Variants in MALT1 observed in about 807,000 individuals in gnomAD.
MALT1 encodes MALT1 paracaspase, also known as mucosa-associated lymphoid tissue lymphoma translocation protein 1.
MALT1 carries 36 observed loss-of-function variants against 85.5 expected under a neutral mutation model. That is an observed-to-expected ratio of 0.42 (90% CI 0.32 to 0.56). The LOEUF is 0.56. MALT1 is among the 20% of genes least tolerant of loss of function. The probability of loss-of-function intolerance (pLI) is 0.10; values close to 1 mark genes in which losing one functional copy is unlikely to be tolerated. For missense variants in MALT1, 716 were observed against 981.6 expected (o/e 0.73, Z 3.62); for synonymous variants, 359 against 361.3 (o/e 0.99, Z 0.07).
intron 1 of MALT1, among the ~76,000 whole-genome samples, chr18:58,678,968 A>G (rs2144304718): frequency 6.6e-6 from 1 of 152,334 alleles, no homozygotes; most frequent in South Asian, 2.1e-4. Context: ...TGTGAATTCT[A>G]CAGTATATCA....
intron 1 of MALT1, chr18:58,672,960 G>A (rs966507159): frequency 1.3e-5 from 2 of 152,202 alleles, no homozygotes; most frequent in Non-Finnish European, 2.9e-5. Context: ...AACTGCACTA[G>A]GGGTTCCCAG....
chr18:58,677,067 CT>C (rs1160697501), intron 1 of MALT1, among the ~76,000 whole-genome samples: 2 of 152,062 alleles, frequency 1.3e-5, no homozygotes, highest in Non-Finnish European at 2.9e-5. Flanking sequence ...TAAATTAGGA[CT>C]TTCAGAAACT....
chr18:58,735,176 G>C, intron 12 of MALT1, 26 bp from the exon 13 acceptor site: 3 of 1,592,338 alleles, frequency 1.9e-6, no homozygotes, highest in Non-Finnish European at 2.6e-6. Flanking sequence ...TCTGTGCCTG[G>C]CTTAACTTCT....
intron 15 of MALT1, 125 bp downstream of exon 15, chr18:58,744,620 T>G (rs2055343557): frequency 2.7e-6 from 1 of 371,120 alleles, no homozygotes; most frequent in African/African-American, 2.1e-5. Context: ...GTGTATATAT[T>G]TATAGTTTAG....
intron 1 of MALT1, among the ~76,000 whole-genome samples, chr18:58,680,410 A>G (rs942613549): frequency 3.3e-5 from 5 of 152,188 alleles, no homozygotes; most frequent in African/African-American, 1.2e-4. Context: ...CATTTGATAT[A>G]CATGCCATAA....
intron 4 of MALT1, among the ~76,000 whole-genome samples, chr18:58,708,690 A>G (rs926348861): frequency 2.0e-5 from 3 of 152,226 alleles, no homozygotes; most frequent in African/African-American, 4.8e-5. Flanking sequence ...AGCAATGCAT[A>G]TCTTTCTAGA....
rs1016598412 is a variant in MALT1 at position 58,749,659 on chromosome 18, C to G, written c.*1817C>G. On this transcript the variant is annotated 3_prime_UTR_variant, in exon 17 of 17. Transcript: ENST00000649217. ...TAGCAAGTTGGTAAATTCACAAATA[C>G]ATAACCTTGAATAATGAGGATCAAC... The G allele has an allele frequency of 9.1e-6, 2 of 220,154 alleles. No homozygotes were observed. The highest frequency in any genetic ancestry group is 1.8e-5 in the Non-Finnish European group (2 of 109,898). 13.6% of individuals were successfully genotyped at this position (220,154 alleles called of 1,614,324 possible).
At chr18:58,744,040 A>T (rs2055334964) in intron 14 of MALT1, among the ~76,000 whole-genome samples, 1 of 152,104 alleles carries the variant, frequency 6.6e-6, no homozygotes, top group Non-Finnish European at 1.5e-5. Flanking sequence ...GTGCTTTATT[A>T]AAAATTCTGG....
intron 9 of MALT1, among the ~76,000 whole-genome samples, chr18:58,720,266 G>A (rs2054965168): frequency 6.6e-6 from 1 of 152,116 alleles, no homozygotes; most frequent in African/African-American, 2.4e-5. Context: ...CCGTCTTGAA[G>A]TTTTCTTTAT....
intron 4 of MALT1, among the ~76,000 whole-genome samples, chr18:58,701,635 G>A (rs1228271250): frequency 6.6e-6 from 1 of 152,168 alleles, no homozygotes; most frequent in East Asian, 1.9e-4. Flanking sequence ...CGATGTTACA[G>A]CTATTTTAAA....
At position 58,745,650 on chromosome 18, in the gene MALT1, A is replaced by AT. The variant is rs199915155; in HGVS notation, c.1912-5dup. On this transcript the variant is annotated splice_polypyrimidine_tract_variant and intron_variant, in intron 15 of 16. Coordinates refer to ENST00000649217, the MANE Select transcript of MALT1 (RefSeq NM_006785.4). ...TTGATTTCATTATTAACAGTCCCTA[A>AT]TTTTTTTTTTTACAGGATCTAGATA... 44,894 of 1,080,022 alleles carry AT rather than the reference A, an allele frequency of 0.042. 261 individuals carry two copies. The highest frequency in any genetic ancestry group is 0.23 in the East Asian group (7,438 of 32,876). The allele number at this position is 1,080,022 out of a possible 1,614,324, so 66.9% of individuals were successfully genotyped here. A position where few individuals can be genotyped will look rare whatever the true frequency, so the allele number is the denominator to read the frequency against.
Position 58,704,007 on chromosome 18 carries a change from T to G in MALT1, c.649+3416T>G, listed in dbSNP as rs141748520. Among the ~76,000 whole-genome samples, 642 of 152,356 alleles carry G rather than the reference T, an allele frequency of 4.2e-3. 7 individuals carry two copies. Among genetic ancestry groups the G allele is most frequent in the African/African-American group, 0.014 (593 of 41,584 alleles). The stretch of plus-strand genomic sequence containing the variant: ...TTACTCATGTTGTTCAGTGTATCAT[T>G]AGGCAGTCCCATCTTTTTGCTGAGT... On this transcript the variant is annotated intron_variant, in intron 4 of 16. Coordinates refer to ENST00000649217, the MANE Select transcript of MALT1 (RefSeq NM_006785.4).
chr18:58,719,600 G>A (rs1305419842), intron 9 of MALT1, among the ~76,000 whole-genome samples: 1 of 152,188 alleles, frequency 6.6e-6, no homozygotes, highest in Non-Finnish European at 1.5e-5. Flanking sequence ...AAAGAAAGTC[G>A]TGATACAGCC....
intron 1 of MALT1, 65 bp downstream of exon 1, chr18:58,671,917 G>C: frequency 8.9e-7 from 1 of 1,120,222 alleles, no homozygotes; most frequent in Non-Finnish European, 1.1e-6. Flanking sequence ...GTGGGGAGGT[G>C]GGGGCGCTGT....
intron 13 of MALT1, among the ~76,000 whole-genome samples, chr18:58,736,073 A>C (rs1475216338): frequency 6.6e-6 from 1 of 152,168 alleles, no homozygotes; most frequent in African/African-American, 2.4e-5. Context: ...GGATCACTTA[A>C]GGCCAAGAGT....
At position 58,723,181 on chromosome 18, in the gene MALT1, G is replaced by A; in HGVS notation, c.1152G>A (p.Leu384=). The change falls in exon 10 of 17, where the codon TTG becomes TTA. Residue 384 remains leucine, a synonymous_variant. Transcript: ENST00000649217. ...RQLDFKVVSL[L]DLTEYEMRNA... is the part of the protein sequence containing the mutation. ...TGGACTTCAAAGTGGTTTCACTGTT[G>A]GATCTTACTGAATATGAGATGCGTA... is the stretch of plus-strand genomic sequence containing the variant. 6.2e-7 allele frequency: 1 copy of A among 1,613,590 alleles called. No homozygotes were observed. The highest frequency in any genetic ancestry group is 8.5e-7 in the Non-Finnish European group (1 of 1,179,778).
chr18:58,699,825 C>G (rs1222721646), intron 3 of MALT1, among the ~76,000 whole-genome samples: 1 of 152,218 alleles, frequency 6.6e-6, no homozygotes, highest in Non-Finnish European at 1.5e-5. Flanking sequence ...AGAAACCTTA[C>G]TATTGGAGGT....
chr18:58,690,484 TC>T (rs559843104), intron 2 of MALT1: 153 of 172,308 alleles, frequency 8.9e-4, no homozygotes, highest in African/African-American at 3.2e-3. Context: ...CAGAGCCTCC[TC>T]CCCTGGATGG....
chr18:58,691,744 T>G (rs1217957341), intron 2 of MALT1: 1 of 153,630 alleles, frequency 6.5e-6, no homozygotes, highest in Non-Finnish European at 1.4e-5. Context: ...GGCGGGCGCC[T>G]GTAGTCCCAG....
Sources: gnomAD v4.1 joint callset for allele counts (sites outside exome capture counted in the v4.1 genomes callset) on GRCh38, gnomAD v4.1.1 for gene constraint, MANE v1.5 for transcripts, NCBI Gene and HGNC (gene_info 2026-07-23, HGNC 2026-07-21) for gene names.